Variants in ARHGAP24 observed in about 807,000 individuals in gnomAD.
ARHGAP24 encodes Rho GTPase activating protein 24.
A neutral mutation model predicts 76.4 loss-of-function variants in ARHGAP24; 50 were observed. The ratio of observed to expected loss-of-function variants is 0.65; its 90% CI spans 0.52 to 0.83. The LOEUF (loss-of-function observed/expected upper bound fraction) is 0.83, where lower values mean the gene tolerates loss of function less well. Among genes scored for constraint, ARHGAP24 ranks in the 40% least tolerant of loss-of-function variants. ARHGAP24 has a pLI of 0.00. For missense variants in ARHGAP24, 930 were observed against 914.2 expected, an observed-to-expected ratio of 1.02 and a Z score of -0.22; for synonymous variants, 345 against 323.3, an observed-to-expected ratio of 1.07 and a Z score of -0.72.
chr4:85,815,276 T>A (rs149493846), intron 3 of ARHGAP24, among the ~76,000 whole-genome samples: 1 of 152,212 alleles, frequency 6.6e-6, no homozygotes, highest in African/African-American at 2.4e-5. Flanking sequence ...CTATGCAAAT[T>A]TCTGCATCTT....
intron 2 of ARHGAP24, among the ~76,000 whole-genome samples, chr4:85,655,800 G>GAGAGAGAA (rs1722134565): frequency 8.6e-5 from 4 of 46,602 alleles, no homozygotes; most frequent in Non-Finnish European, 1.7e-4. Context: ...TATAGAGAGA[G>GAGAGAGAA]AGAGAGAGAG....
chr4:85,784,388 C>A (rs1236129875), intron 3 of ARHGAP24, among the ~76,000 whole-genome samples: 1 of 151,730 alleles, frequency 6.6e-6, no homozygotes, highest in African/African-American at 2.4e-5. Context: ...TGTTTTCTCT[C>A]TTAGTCTTTC....
At chr4:85,567,827 G>A (rs1411718208) in intron 1 of ARHGAP24, among the ~76,000 whole-genome samples, 1 of 152,084 alleles carries the variant, frequency 6.6e-6, no homozygotes, top group Non-Finnish European at 1.5e-5. Context: ...AAAAATTATG[G>A]TTGTTTTAGT....
intron 3 of ARHGAP24, among the ~76,000 whole-genome samples, chr4:85,832,152 C>T (rs773546758): frequency 2.6e-5 from 4 of 152,078 alleles, no homozygotes; most frequent in African/African-American, 7.2e-5. Context: ...GGAGCAAGAG[C>T]CTTTTGTGTT....
chr4:85,729,717 A>G (rs1308201695), intron 3 of ARHGAP24, among the ~76,000 whole-genome samples: 1 of 152,228 alleles, frequency 6.6e-6, no homozygotes, highest in Non-Finnish European at 1.5e-5. Context: ...CTGCCATGGT[A>G]GCGAAAACAA....
chr4:85,733,285 G>A (rs1394161514), intron 3 of ARHGAP24, among the ~76,000 whole-genome samples: 5 of 146,626 alleles, frequency 3.4e-5, no homozygotes, highest in Non-Finnish European at 6.0e-5. Context: ...GGATGGTCTC[G>A]ATCTCCTGAC....
intron 3 of ARHGAP24, among the ~76,000 whole-genome samples, chr4:85,888,565 G>A (rs1464386902): frequency 1.3e-5 from 2 of 151,902 alleles, no homozygotes; most frequent in African/African-American, 4.8e-5. Context: ...TTTAAATACT[G>A]AGGTATCTTT....
In ARHGAP24 at chr4:85,648,075, A is replaced by G. The variant is rs1188199191; in HGVS notation, c.181-73810A>G. 3.3e-5 allele frequency among the ~76,000 whole-genome samples: 5 copies of G among 152,302 alleles called. No homozygotes were observed. In the East Asian group the frequency reaches 9.7e-4, roughly 29 times the overall value. On this transcript the variant is annotated intron_variant, in intron 2 of 9. Coordinates refer to ENST00000395184, the MANE Select transcript of ARHGAP24 (RefSeq NM_001025616.3). ...AGTCAGCTAATAAAGTCAGATAAAT[A>G]CAGTTCATGCTGACTTATTCACACC... is the stretch of plus-strand genomic sequence containing the variant.
At chr4:85,654,974 T>A (rs1366546497) in intron 2 of ARHGAP24, among the ~76,000 whole-genome samples, 1 of 152,244 alleles carries the variant, frequency 6.6e-6, no homozygotes, top group Non-Finnish European at 1.5e-5. Context: ...CAGAATTAGC[T>A]ACAGTTTTAT....
intron 1 of ARHGAP24, among the ~76,000 whole-genome samples, chr4:85,563,311 G>GT (rs1165443155): frequency 6.6e-6 from 1 of 152,174 alleles, no homozygotes; most frequent in Non-Finnish European, 1.5e-5. Flanking sequence ...AACAACAGAA[G>GT]TTCATTTCTG....
chr4:85,948,585 T>C (rs1737419501), intron 5 of ARHGAP24, among the ~76,000 whole-genome samples: 1 of 152,220 alleles, frequency 6.6e-6, no homozygotes, highest in African/African-American at 2.4e-5. Context: ...TGATAACTAT[T>C]GGCTGACAAT....
chr4:85,707,443 C>T (rs1047067811), intron 2 of ARHGAP24, among the ~76,000 whole-genome samples: 6 of 151,908 alleles, frequency 3.9e-5, no homozygotes, highest in Non-Finnish European at 7.4e-5. Context: ...TTATTTTCAC[C>T]GTGTCTAGCA....
chr4:85,981,108 A>T (rs1308462238), intron 8 of ARHGAP24, among the ~76,000 whole-genome samples: 1 of 152,162 alleles, frequency 6.6e-6, no homozygotes, highest in Admixed American at 6.5e-5. Flanking sequence ...CTCCCTCTAA[A>T]AGTAACACAA....
At chr4:85,752,687 C>G (rs1726309851) in intron 3 of ARHGAP24, among the ~76,000 whole-genome samples, 1 of 152,156 alleles carries the variant, frequency 6.6e-6, no homozygotes, top group Non-Finnish European at 1.5e-5. Flanking sequence ...TCATTTCTGT[C>G]AGCAAATTGC....
intron 3 of ARHGAP24, among the ~76,000 whole-genome samples, chr4:85,878,021 A>C (rs980765837): frequency 3.3e-5 from 5 of 152,178 alleles, no homozygotes; most frequent in African/African-American, 1.2e-4. Context: ...TTCATAATGA[A>C]AGAAATAATA....
intron 3 of ARHGAP24, among the ~76,000 whole-genome samples, chr4:85,817,028 A>G (rs1393345381): frequency 1.3e-5 from 2 of 152,102 alleles, no homozygotes; most frequent in Non-Finnish European, 2.9e-5. Flanking sequence ...GTGATGTTGA[A>G]TATCTTTTCA....
intron 2 of ARHGAP24, among the ~76,000 whole-genome samples, chr4:85,700,165 T>C (rs1724022883): frequency 6.6e-6 from 1 of 151,816 alleles, no homozygotes; most frequent in East Asian, 1.9e-4. Flanking sequence ...GAGGCAGAGG[T>C]GGGTGAATCA....
intron 2 of ARHGAP24, among the ~76,000 whole-genome samples, chr4:85,720,194 C>T (rs1033908793): frequency 4.6e-5 from 7 of 152,048 alleles, no homozygotes; most frequent in African/African-American, 1.7e-4. Flanking sequence ...AGCACACCAA[C>T]ATGGCACATG....
chr4:85,901,512 T>C (rs1734490848), intron 3 of ARHGAP24, among the ~76,000 whole-genome samples: 1 of 152,176 alleles, frequency 6.6e-6, no homozygotes, highest in Non-Finnish European at 1.5e-5. Context: ...TATTTTAGAA[T>C]CTTAAATATG....
Sources: allele counts gnomAD v4.1 joint callset (sites outside exome capture counted in the v4.1 genomes callset), GRCh38; gene constraint gnomAD v4.1.1; transcripts MANE v1.5; gene names NCBI Gene and HGNC (gene_info 2026-07-23, HGNC 2026-07-21).